Variants in SLC2A14 observed in about 807,000 individuals in gnomAD.
SLC2A14 encodes solute carrier family 2 member 14, also known as solute carrier family 2, facilitated glucose transporter member 14.
A neutral mutation model predicts 43.0 loss-of-function variants in SLC2A14; 13 were observed. The observed-to-expected ratio is 0.30, with a 90% CI of 0.20 to 0.48. The LOEUF is 0.48. Among genes scored for constraint, SLC2A14 ranks in the 20% least tolerant of loss-of-function variants. SLC2A14 has a pLI of 0.99. For synonymous variants in SLC2A14, 190 were observed against 233.8 expected, an observed-to-expected ratio of 0.81 and a Z score of 1.71; for missense variants, 428 against 620.4, an observed-to-expected ratio of 0.69 and a Z score of 3.29.
chr12:7,890,262 A>G (rs925122904), intron 1 of SLC2A14, among the ~76,000 whole-genome samples: 6 of 151,308 alleles, frequency 4.0e-5, no homozygotes, highest in African/African-American at 9.7e-5. Context: ...CTCTGCCACA[A>G]CTCCCTCCTG....
intron 2 of SLC2A14, among the ~76,000 whole-genome samples, chr12:7,838,335 C>T (rs1240378292): frequency 1.3e-5 from 2 of 152,038 alleles, no homozygotes; most frequent in Non-Finnish European, 2.9e-5. Context: ...ATCCACCTGC[C>T]TCGGCCTCCC....
upstream of SLC2A14, among the ~76,000 whole-genome samples, chr12:7,874,317 T>C (rs902463321): frequency 6.6e-6 from 1 of 152,078 alleles, no homozygotes; most frequent in Non-Finnish European, 1.5e-5. Context: ...TGTATACATA[T>C]ATTCACCAAA....
intron 2 of SLC2A14, among the ~76,000 whole-genome samples, chr12:7,852,333 G>C (rs1867002811): frequency 6.6e-6 from 1 of 151,996 alleles, no homozygotes; most frequent in Admixed American, 6.6e-5. Flanking sequence ...GATTGAGAAT[G>C]GTGACAGAAA....
chr12:7,890,057 T>C (rs991107176), intron 1 of SLC2A14, among the ~76,000 whole-genome samples: 1 of 152,156 alleles, frequency 6.6e-6, no homozygotes, highest in Non-Finnish European at 1.5e-5. Context: ...CAACCTGTTT[T>C]ATCAGCAAGG....
intron 2 of SLC2A14, chr12:7,860,806 T>C (rs1944506949): frequency 6.6e-6 from 1 of 151,970 alleles, no homozygotes; most frequent in Admixed American, 6.6e-5. Context: ...TTTTTTTTTT[T>C]CCTGAGACAG....
At chr12:7,872,097 T>C (rs1162571015) in intron 1 of SLC2A14, 1 of 177,060 alleles carries the variant, frequency 5.6e-6, no homozygotes, top group Admixed American at 6.5e-5. Context: ...ACAAAACTAA[T>C]AACAGTATTT....
intron 2 of SLC2A14, chr12:7,863,288 A>G (rs1944701091): frequency 4.7e-6 from 2 of 428,598 alleles, no homozygotes; most frequent in Non-Finnish European, 4.6e-6. Flanking sequence ...CGAACCCACC[A>G]GAAGGAAAAC....
intron 2 of SLC2A14, among the ~76,000 whole-genome samples, chr12:7,866,493 T>C (rs2121035579): frequency 6.6e-6 from 1 of 152,078 alleles, no homozygotes; most frequent in East Asian, 1.9e-4. Flanking sequence ...GCCTCCCAAG[T>C]AGCTGGAACT....
At chr12:7,821,173 A>G in intron 8 of SLC2A14, 48 bp downstream of exon 8, 1 of 1,393,642 alleles carries the variant, frequency 7.2e-7, no homozygotes, top group Non-Finnish European at 1.0e-6. Flanking sequence ...GAACATCTGT[A>G]GCAAGGATTC....
chr12:7,890,248 T>G (rs1945752129), intron 1 of SLC2A14, among the ~76,000 whole-genome samples: 1 of 152,020 alleles, frequency 6.6e-6, no homozygotes, highest in Admixed American at 6.6e-5. Flanking sequence ...TTAGTTGCCG[T>G]GTTCTCTGCC....
At chr12:7,886,165 T>TTTTTTTTTTTG in intron 1 of SLC2A14, among the ~76,000 whole-genome samples, 1 of 123,804 alleles carries the variant, frequency 8.1e-6, no homozygotes, top group Non-Finnish European at 1.7e-5. Flanking sequence ...TTTTTTTTTT[T>TTTTTTTTTTTG]TTTTTTTTTT....
intron 2 of SLC2A14, among the ~76,000 whole-genome samples, chr12:7,847,429 A>G (rs913662129): frequency 3.3e-5 from 5 of 152,188 alleles, no homozygotes; most frequent in African/African-American, 1.2e-4. Flanking sequence ...AGACCTAGAA[A>G]CAAAGAAAGG....
chr12:7,841,730 G>A (rs1166554983), intron 2 of SLC2A14, among the ~76,000 whole-genome samples: 1 of 152,006 alleles, frequency 6.6e-6, no homozygotes, highest in East Asian at 1.9e-4. Context: ...GTTCCAGGCT[G>A]GGTGCAGTGG....
intron 7 of SLC2A14, among the ~76,000 whole-genome samples, chr12:7,822,430 G>A (rs1475492004): frequency 6.6e-6 from 1 of 151,812 alleles, no homozygotes; most frequent in Non-Finnish European, 1.5e-5. Flanking sequence ...CACTTTGGGA[G>A]GCCGAGGCGG....
At chr12:7,880,543 C>T (rs963097397) in intron 1 of SLC2A14, among the ~76,000 whole-genome samples, 2 of 151,628 alleles carry the variant, frequency 1.3e-5, no homozygotes, top group Non-Finnish European at 2.9e-5. Context: ...AAGATTACTA[C>T]TGAGGCTGGG....
At chr12:7,855,720 C>A (rs186062593) in intron 2 of SLC2A14, among the ~76,000 whole-genome samples, 13 of 152,204 alleles carry the variant, frequency 8.5e-5, no homozygotes, top group African/African-American at 2.6e-4. Context: ...TCACTGCAAC[C>A]TCCGCCTCCC....
At chr12:7,862,153 A>C (rs1026365076) in intron 2 of SLC2A14, among the ~76,000 whole-genome samples, 38 of 146,040 alleles carry the variant, frequency 2.6e-4, no homozygotes, top group Admixed American at 7.0e-4. Flanking sequence ...AATCCCAGCT[A>C]CTCAGGTGGC....
At chr12:7,834,765 G>T (rs1296408158) in intron 2 of SLC2A14, among the ~76,000 whole-genome samples, 2 of 152,186 alleles carry the variant, frequency 1.3e-5, no homozygotes, top group African/African-American at 2.4e-5. Context: ...TGTTCCTTGG[G>T]CAAATGGCAC....
At chr12:7,851,772 C>T (rs1055459059) in intron 2 of SLC2A14, among the ~76,000 whole-genome samples, 3 of 152,146 alleles carry the variant, frequency 2.0e-5, no homozygotes, top group African/African-American at 7.2e-5. Flanking sequence ...TTAGACATTG[C>T]TCCTCTCAGG....
Sources: allele counts gnomAD v4.1 joint callset (sites outside exome capture counted in the v4.1 genomes callset), GRCh38; gene constraint gnomAD v4.1.1; transcripts MANE v1.5; gene names NCBI Gene and HGNC (gene_info 2026-07-23, HGNC 2026-07-21).